Variants in TRMT9B observed in about 807,000 individuals in gnomAD.
The protein encoded by TRMT9B is probable tRNA methyltransferase 9B.
TRMT9B carries 16 observed loss-of-function variants against 11.5 expected under a neutral mutation model. That is an observed-to-expected ratio of 1.39 (90% CI 0.94 to 2.11). The LOEUF is 2.11. Among genes scored for constraint, TRMT9B ranks in the 30% most tolerant of loss-of-function variants. TRMT9B has a pLI of 0.00. For missense variants in TRMT9B, 941 were observed against 553.8 expected (o/e 1.70, Z -7.02); for synonymous variants, 274 against 192.4 (o/e 1.42, Z -3.51).
At chr8:13,002,252 A>T (rs186733439) in intron 2 of TRMT9B, among the ~76,000 whole-genome samples, 102 of 152,328 alleles carry the variant, frequency 6.7e-4, no homozygotes, top group Non-Finnish European at 4.0e-4. Flanking sequence ...AACCCAGTTT[A>T]TGTCGGTTAC....
Position 12,962,553 on chromosome 8 carries a change from T to G in TRMT9B, c.-200+16587T>G, listed in dbSNP as rs1802271143. Among the ~76,000 whole-genome samples the G allele has an allele frequency of 2.0e-5, 3 of 152,110 alleles. No individual in the cohort carries two copies. The South Asian group carries it at 6.2e-4, about 32-fold the overall frequency. On this transcript the variant is annotated intron_variant, in intron 1 of 4. Coordinates refer to ENST00000524591, the MANE Select transcript of TRMT9B (RefSeq NM_020844.3). Reference sequence around the variant, plus strand: ...TCACCCAGGCTGGAGTGCAGTGGTGTGATCTTGGCTCACTGCAACCTCTGC... The same window carrying G: ...TCACCCAGGCTGGAGTGCAGTGGTGGGATCTTGGCTCACTGCAACCTCTGC...
intron 1 of TRMT9B, among the ~76,000 whole-genome samples, chr8:12,955,525 C>G (rs1801183049): frequency 6.6e-6 from 1 of 152,050 alleles, no homozygotes; most frequent in Non-Finnish European, 1.5e-5. Context: ...GGTTGTTAGT[C>G]CTGATTTGGG....
intron 2 of TRMT9B, among the ~76,000 whole-genome samples, chr8:12,993,356 T>G (rs1807719365): frequency 6.6e-6 from 1 of 152,194 alleles, no homozygotes; most frequent in Non-Finnish European, 1.5e-5. Context: ...AGGAAAATCA[T>G]GAATTGTAGC....
In TRMT9B at chr8:13,006,234, A is replaced by G; in HGVS notation, c.32A>G (p.Gln11Arg). 6.2e-7 allele frequency: 1 copy of G among 1,614,022 alleles called. No individual in the cohort carries two copies. The highest frequency in any genetic ancestry group is 8.5e-7 in the Non-Finnish European group (1 of 1,179,896). ...CATGAAGCCGCCCAGCTGGAGAAGC[A>G]GCATGTGCACAATGTGTACGAGAGC... MDHEAAQLEK[Q>R]HVHNVYESTA... Residue 11 changes from glutamine (Q) to arginine (R), a missense_variant, in exon 3 of 5, where the codon CAG becomes CGG. By Grantham distance (43) the Gln-to-Arg change is conservative. Coordinates refer to ENST00000524591, the MANE Select transcript of TRMT9B (RefSeq NM_020844.3).
At chr8:12,959,940 A>C (rs908073924) in intron 1 of TRMT9B, 10 of 152,222 alleles carry the variant, frequency 6.6e-5, no homozygotes, top group African/African-American at 2.2e-4. Flanking sequence ...TACCCAGAAA[A>C]GTATTCTTCC....
intron 4 of TRMT9B, among the ~76,000 whole-genome samples, chr8:13,015,371 A>G (rs541134189): frequency 1.8e-4 from 28 of 152,222 alleles, no homozygotes; most frequent in African/African-American, 6.5e-4. Context: ...GGTTTAGCGT[A>G]AAGTGAGACC....
intron 4 of TRMT9B, among the ~76,000 whole-genome samples, chr8:13,020,404 G>A (rs1813599929): frequency 1.3e-5 from 2 of 152,158 alleles, no homozygotes; most frequent in South Asian, 4.1e-4. Flanking sequence ...GGAATTGGAA[G>A]TAAAATGATG....
chr8:13,015,716 G>A (rs181119890), intron 4 of TRMT9B, among the ~76,000 whole-genome samples: 1 of 152,144 alleles, frequency 6.6e-6, no homozygotes, highest in African/African-American at 2.4e-5. Flanking sequence ...CACTGGTGAA[G>A]GAAGGGGATA....
intron 2 of TRMT9B, among the ~76,000 whole-genome samples, chr8:13,003,824 C>A (rs530249556): frequency 6.7e-6 from 1 of 150,146 alleles, no homozygotes; most frequent in Admixed American, 6.7e-5. Flanking sequence ...AAAAAAGCAC[C>A]TACATAAGAA....
chr8:13,017,196 C>G (rs1347686760), intron 4 of TRMT9B, among the ~76,000 whole-genome samples: 1 of 152,036 alleles, frequency 6.6e-6, no homozygotes, highest in Non-Finnish European at 1.5e-5. Context: ...TTATGCTAAA[C>G]CTGCAGATTC....
intron 2 of TRMT9B, among the ~76,000 whole-genome samples, chr8:12,994,962 G>T (rs1378946558): frequency 6.6e-6 from 1 of 152,174 alleles, no homozygotes; most frequent in Non-Finnish European, 1.5e-5. Flanking sequence ...AATTACAGGC[G>T]TGAGCCCCCG....
intron 1 of TRMT9B, among the ~76,000 whole-genome samples, chr8:12,967,568 C>G (rs751414951): frequency 6.6e-6 from 1 of 152,190 alleles, no homozygotes; most frequent in Non-Finnish European, 1.5e-5. Context: ...TTGTTTTTAG[C>G]TTTTCTCCAC....
intron 1 of TRMT9B, among the ~76,000 whole-genome samples, chr8:12,973,384 G>C (rs1803930483): frequency 6.6e-6 from 1 of 152,214 alleles, no homozygotes; most frequent in Non-Finnish European, 1.5e-5. Flanking sequence ...GGACCACACA[G>C]AAAGCTGGAT....
At chr8:12,957,242 T>G (rs757774664) in intron 1 of TRMT9B, among the ~76,000 whole-genome samples, 4 of 152,200 alleles carry the variant, frequency 2.6e-5, no homozygotes, top group Non-Finnish European at 5.9e-5. Context: ...GTAGCAACTG[T>G]CTGGGCCCAT....
chr8:12,950,987 GTGCATAGATCCCTGA>G (rs1800561262), intron 1 of TRMT9B, among the ~76,000 whole-genome samples: 2 of 152,192 alleles, frequency 1.3e-5, no homozygotes, highest in Admixed American at 6.5e-5. Context: ...CATTTTTAAA[GTGCATAGATCCCTGA>G]TGATAACGGA....
At chr8:12,987,299 G>A (rs1229710747) in intron 1 of TRMT9B, among the ~76,000 whole-genome samples, 15 of 152,202 alleles carry the variant, frequency 9.9e-5, no homozygotes, top group Admixed American at 6.5e-4. Context: ...CTTACAACAC[G>A]GCCTGGCCCA....
chr8:12,972,275 T>C (rs1803752398), intron 1 of TRMT9B, among the ~76,000 whole-genome samples: 1 of 152,256 alleles, frequency 6.6e-6, no homozygotes, highest in Admixed American at 6.5e-5. Context: ...TCCCCAGAGC[T>C]GGGACCCAGA....
chr8:12,983,917 T>A (rs79613130), intron 1 of TRMT9B, among the ~76,000 whole-genome samples: 5 of 152,278 alleles, frequency 3.3e-5, no homozygotes, highest in East Asian at 1.9e-4. Flanking sequence ...ACACTTTTTT[T>A]AAAAAACTGT....
Position 13,021,755 on chromosome 8 carries a change from G to A in TRMT9B, c.1076G>A (p.Cys359Tyr). 6.2e-7 allele frequency: 1 copy of A among 1,613,984 alleles called. No homozygotes were observed. Among genetic ancestry groups the A allele is most frequent in the Non-Finnish European group, 8.5e-7 (1 of 1,179,896 alleles). The change falls in exon 5 of 5, where the codon TGT (cysteine) becomes TAT (tyrosine). Residue 359 changes from cysteine to tyrosine, a missense_variant. Cys to Tyr is a radical substitution (Grantham distance 194). Coordinates refer to ENST00000524591, the MANE Select transcript of TRMT9B (RefSeq NM_020844.3). ...FLDSTNTGVN[C>Y]VDAGNIEDDN... is the part of the protein sequence containing the mutation. ...GATAGCACTAATACTGGTGTGAATT[G>A]TGTGGATGCAGGCAACATAGAAGAT...
Sources: gnomAD v4.1 joint callset for allele counts (sites outside exome capture counted in the v4.1 genomes callset) on GRCh38, gnomAD v4.1.1 for gene constraint, MANE v1.5 for transcripts, NCBI Gene and HGNC (gene_info 2026-07-23, HGNC 2026-07-21) for gene names.